OR3A1: variants seen among roughly 807,000 people sequenced by gnomAD.
The protein encoded by OR3A1 is olfactory receptor family 3 subfamily A member 1.
For missense variants in OR3A1, 402 were observed against 393.8 expected, an observed-to-expected ratio of 1.02 and a Z score of -0.18; for synonymous variants, 145 against 160.0, an observed-to-expected ratio of 0.91 and a Z score of 0.71.
At chr17:3,296,831 C>T (rs949100415) in intron 1 of OR3A1, among the ~76,000 whole-genome samples, 1 of 152,146 alleles carries the variant, frequency 6.6e-6, no homozygotes, top group Non-Finnish European at 1.5e-5. Context: ...ACCAACATTC[C>T]GCCATCCCCA....
In OR3A1 at chr17:3,291,618, G is replaced by A. The variant is rs767829338; in HGVS notation, c.*17C>T. On this transcript the variant is annotated 3_prime_UTR_variant, in exon 2 of 2. Transcript: ENST00000323404. ...TTTAGTACAAGACACAGGGAGAAAGGGTCAATTGAGACCTCCTCAAGCCAG... is the reference window on the plus strand; with the variant it reads ...TTTAGTACAAGACACAGGGAGAAAGAGTCAATTGAGACCTCCTCAAGCCAG... 5 of 1,560,702 alleles carry A rather than the reference G, an allele frequency of 3.2e-6. No homozygotes were observed. The East Asian group carries it at 6.8e-5, about 21-fold the overall frequency.
intron 1 of OR3A1, among the ~76,000 whole-genome samples, chr17:3,293,738 A>G (rs182397937): frequency 3.5e-4 from 53 of 152,358 alleles, no homozygotes; most frequent in Admixed American, 9.8e-4. Context: ...TGGATAAAGA[A>G]AATGTGGTAC....
At chr17:3,297,861 C>T (rs150730136) in intron 1 of OR3A1, among the ~76,000 whole-genome samples, 2 of 151,996 alleles carry the variant, frequency 1.3e-5, no homozygotes, top group East Asian at 3.9e-4. Context: ...GTTTGTGCAA[C>T]ACGATAAAAG....
intron 1 of OR3A1, among the ~76,000 whole-genome samples, chr17:3,294,564 T>C (rs1409026918): frequency 6.6e-6 from 1 of 152,182 alleles, no homozygotes; most frequent in Non-Finnish European, 1.5e-5. Context: ...CACTTGACTT[T>C]ACAATTCAAA....
chr17:3,291,781 T>G lies in OR3A1; in HGVS notation c.802A>C (p.Thr268Pro). ...GIFNYMRLGS[T>P]KLSDKDKAVG... ...GCTTTATCCTTGTCTGAAAGCTTGG[T>G]TGAACCCAGTCGCATATAGTTAAAG... The change falls in exon 2 of 2, where the codon ACC becomes CCC. Residue 268 changes from threonine to proline, a missense_variant. By Grantham distance (38) the Thr-to-Pro change is conservative. Transcript: ENST00000323404. 6.2e-7 allele frequency: 1 copy of G among 1,613,786 alleles called. No homozygotes were observed. Among genetic ancestry groups the G allele is most frequent in the Non-Finnish European group, 8.5e-7 (1 of 1,179,634 alleles).
intron 1 of OR3A1, 137 bp from the exon 2 acceptor site, chr17:3,292,725 CT>C: frequency 1.5e-6 from 1 of 654,428 alleles, no homozygotes. Flanking sequence ...TTTTGCGCTC[CT>C]TAGGCCACAC....
chr17:3,296,534 T>A (rs1257986580), intron 1 of OR3A1, among the ~76,000 whole-genome samples: 1 of 152,126 alleles, frequency 6.6e-6, no homozygotes, highest in African/African-American at 2.4e-5. Flanking sequence ...CATAAACTTG[T>A]TAAATTTTTT....
Position 3,291,366 on chromosome 17 carries a change from T to C in OR3A1, c.*269A>G. On this transcript the variant is annotated 3_prime_UTR_variant, in exon 2 of 2. Transcript: ENST00000323404. ...ACATGAACCTGTCAGCACTCACAGCTTCCTAGGTTTCACCTCTAGCCAGAA... is the reference window on the plus strand; with the variant it reads ...ACATGAACCTGTCAGCACTCACAGCCTCCTAGGTTTCACCTCTAGCCAGAA... 2.8e-6 allele frequency: 1 copy of C among 350,928 alleles called. No individual in the cohort carries two copies. The highest frequency in any genetic ancestry group is 4.2e-5 in the Admixed American group (1 of 23,646). 21.7% of individuals were successfully genotyped at this position (350,928 alleles called of 1,614,324 possible).
rs774088196 is a variant in OR3A1 at position 3,291,894 on chromosome 17, C to T, written c.689G>A (p.Arg230Gln). 35 of 1,614,206 alleles carry T rather than the reference C, an allele frequency of 2.2e-5. No homozygotes were observed. The highest frequency in any genetic ancestry group is 4.4e-5 in the South Asian group (4 of 91,088). Reference protein sequence around the residue: ...SYIHVAAAVLRIRSVEGRKKA... With the variant: ...SYIHVAAAVLQIRSVEGRKKA... ...CTTCCTGCCCTCTACAGAGCGAATT[C>T]GCAGGACTGCAGCTGCCACGTGGAT... Residue 230 changes from arginine to glutamine, a missense_variant, in exon 2 of 2, where the codon CGA becomes CAA. Arg to Gln is a conservative substitution (Grantham distance 43). Transcript: ENST00000323404.
chr17:3,291,563 T>G lies in OR3A1; in HGVS notation c.*72A>C. The G allele has an allele frequency of 3.2e-6, 4 of 1,250,756 alleles. No homozygotes were observed. The South Asian group carries it at 6.1e-5, about 19-fold the overall frequency. The allele number at this position is 1,250,756 out of a possible 1,614,324, so 77.5% of individuals were successfully genotyped here. A position where few individuals can be genotyped will look rare whatever the true frequency, so the allele number is the denominator to read the frequency against. On this transcript the variant is annotated 3_prime_UTR_variant, in exon 2 of 2. Coordinates refer to ENST00000323404, the MANE Select transcript of OR3A1 (RefSeq NM_002550.3). ...CAGAAACAGGTGTGAACCATTTTTT[T>G]CCTAGTTTCTGGCTCTAGAAGACTT... is the stretch of plus-strand genomic sequence containing the variant.
At chr17:3,296,726 C>T (rs372827351) in intron 1 of OR3A1, among the ~76,000 whole-genome samples, 1 of 151,766 alleles carries the variant, frequency 6.6e-6, no homozygotes, top group Non-Finnish European at 1.5e-5. Flanking sequence ...AAAACTTGCT[C>T]GAGAAAAGTT....
intron 1 of OR3A1, among the ~76,000 whole-genome samples, chr17:3,295,020 ACT>A (rs1491373841): frequency 3.3e-5 from 5 of 152,062 alleles, no homozygotes; most frequent in African/African-American, 1.2e-4. Context: ...AAAAATAGGA[ACT>A]CTGCAGTCTA....
chr17:3,297,969 TTTG>T (rs2048933112), intron 1 of OR3A1, among the ~76,000 whole-genome samples: 2 of 151,782 alleles, frequency 1.3e-5, no homozygotes, highest in East Asian at 1.9e-4. Flanking sequence ...GTGGGGTTTC[TTTG>T]TTGTTCTTCT....
At position 3,291,149 on chromosome 17, in the gene OR3A1, T is replaced by A. The variant is rs1008506080; in HGVS notation, c.*486A>T. The A allele has an allele frequency of 2.0e-5, 3 of 153,056 alleles. No individual in the cohort carries two copies. Among genetic ancestry groups the A allele is most frequent in the African/African-American group, 7.2e-5 (3 of 41,462 alleles). The allele number at this position is 153,056 out of a possible 1,614,324, so 9.5% of individuals were successfully genotyped here. On this transcript the variant is annotated 3_prime_UTR_variant, in exon 2 of 2. Coordinates refer to ENST00000323404, the MANE Select transcript of OR3A1 (RefSeq NM_002550.3). ...GAAAGAGCTACTTTTTTGTTTTTGT[T>A]TCTTTTTGTTTTATTTTTGCTTTTA...
chr17:3,295,874 C>T (rs755335321), intron 1 of OR3A1, among the ~76,000 whole-genome samples: 9 of 151,990 alleles, frequency 5.9e-5, no homozygotes, highest in Non-Finnish European at 1.2e-4. Flanking sequence ...GGTATGAAAA[C>T]GAATGTCCTA....
At position 3,291,914 on chromosome 17, in the gene OR3A1, G is replaced by T. The variant is rs199711058; in HGVS notation, c.669C>A (p.His223Gln). ...GAATTCGCAGGACTGCAGCTGCCAC[G>T]TGGATATAGGAGATGACAATGAGAG... ...PMALIVISYI[H>Q]VAAAVLRIRS... The change falls in exon 2 of 2, where the codon CAC becomes CAA. Residue 223 changes from histidine to glutamine, a missense_variant. Transcript: ENST00000323404. The T allele has an allele frequency of 2.5e-6, 4 of 1,614,116 alleles. No homozygotes were observed. Among genetic ancestry groups the T allele is most frequent in the African/African-American group, 2.7e-5 (2 of 74,932 alleles).
chr17:3,295,179 G>A (rs564592940), intron 1 of OR3A1, among the ~76,000 whole-genome samples: 2 of 152,122 alleles, frequency 1.3e-5, no homozygotes, highest in Admixed American at 1.3e-4. Flanking sequence ...GAGATAGGAG[G>A]ACGTATGTGT....
At chr17:3,292,900 A>C (rs1407610240) in intron 1 of OR3A1, among the ~76,000 whole-genome samples, 1 of 152,148 alleles carries the variant, frequency 6.6e-6, no homozygotes, top group East Asian at 1.9e-4. Flanking sequence ...AAAATAAGCA[A>C]AAAGTGTACT....
In OR3A1 at chr17:3,291,311, G is replaced by C. The variant is rs549522892; in HGVS notation, c.*324C>G. 2.3e-4 allele frequency: 56 copies of C among 241,654 alleles called. No individual in the cohort carries two copies. The highest frequency in any genetic ancestry group is 3.8e-4 in the Non-Finnish European group (48 of 125,328). The allele number at this position is 241,654 out of a possible 1,614,324, so 15.0% of individuals were successfully genotyped here. A position where few individuals can be genotyped will look rare whatever the true frequency, so the allele number is the denominator to read the frequency against. On this transcript the variant is annotated 3_prime_UTR_variant, in exon 2 of 2. Transcript: ENST00000323404. Reference sequence around the variant, plus strand: ...TGGGGTACTTCTGGCAACTAAGGCTGTAACCAACCAAAGAGTCATTCCTTC... The same window carrying C: ...TGGGGTACTTCTGGCAACTAAGGCTCTAACCAACCAAAGAGTCATTCCTTC...
Sources: allele counts gnomAD v4.1 joint callset (sites outside exome capture counted in the v4.1 genomes callset), GRCh38; gene constraint gnomAD v4.1.1; transcripts MANE v1.5; gene names NCBI Gene and HGNC (gene_info 2026-07-23, HGNC 2026-07-21).